Variants in SEC23A observed in about 807,000 individuals in gnomAD.
The protein encoded by SEC23A is protein transport protein Sec23A.
SEC23A carries 56 observed loss-of-function variants against 103.7 expected under a neutral mutation model. The ratio of observed to expected loss-of-function variants is 0.54; its 90% CI spans 0.44 to 0.67. The LOEUF (loss-of-function observed/expected upper bound fraction) is 0.67, where lower values mean the gene tolerates loss of function less well. SEC23A is among the 30% of genes least tolerant of loss of function. The probability of loss-of-function intolerance (pLI) is 0.00; values close to 1 mark genes in which losing one functional copy is unlikely to be tolerated. For missense variants in SEC23A, 784 were observed against 936.4 expected, an observed-to-expected ratio of 0.84 and a Z score of 2.12; for synonymous variants, 281 against 293.0, an observed-to-expected ratio of 0.96 and a Z score of 0.42.
chr14:39,070,081 C>G (rs1051511031), intron 9 of SEC23A, among the ~76,000 whole-genome samples: 52 of 152,184 alleles, frequency 3.4e-4, no homozygotes, highest in Non-Finnish European at 1.3e-4. Context: ...GTCATACTTG[C>G]CACATTTCAA....
At chr14:39,095,146 C>G in intron 2 of SEC23A, 1 of 587,994 alleles carries the variant, frequency 1.7e-6, no homozygotes, top group South Asian at 2.2e-5. Flanking sequence ...GAGACAGAAT[C>G]TATAATGTTC....
chr14:39,046,614 C>T (rs139250016), intron 15 of SEC23A, among the ~76,000 whole-genome samples: 200 of 152,234 alleles, frequency 1.3e-3, no homozygotes, highest in Middle Eastern at 3.4e-3. Flanking sequence ...AAAAAAACAA[C>T]CACATATATA....
rs114193369 is a variant in SEC23A, at chr14:39,033,072, C to T, written c.*167G>A. ...TGTTCTTATTGCTCTCATTATAATT[C>T]CAGCTTAATCTACAAATGTGAACAT... is the stretch of plus-strand genomic sequence containing the variant. On this transcript the variant is annotated 3_prime_UTR_variant, in exon 20 of 20. Transcript: ENST00000307712. 4.8e-3 allele frequency: 3,023 copies of T among 623,534 alleles called. 85 individuals are homozygous for T. The African/African-American group carries it at 0.05, about 10-fold the overall frequency. 38.6% of individuals were successfully genotyped at this position (623,534 alleles called of 1,614,324 possible).
Position 39,045,340 on chromosome 14 carries a change from G to T in SEC23A, c.1738-16C>A. 1 of 1,584,772 alleles carries T rather than the reference G, an allele frequency of 6.3e-7. No homozygotes were observed. The highest frequency in any genetic ancestry group is 1.1e-5 in the South Asian group (1 of 90,184). On this transcript the variant is annotated splice_polypyrimidine_tract_variant and intron_variant, in intron 15 of 19. Transcript: ENST00000307712. ...GAAACATAAACTGTAAGATAAACAC[G>T]TAAGATAGTTGTTACTGATTTTAAT...
chr14:39,040,838 T>C lies in SEC23A; in HGVS notation c.2036A>G (p.Glu679Gly). The change falls in exon 18 of 20, where the codon GAA (glutamate) becomes GGA (glycine). Residue 679 changes from glutamate to glycine, a missense_variant. By Grantham distance (98) the Glu-to-Gly change is moderately conservative (BLOSUM62 -2). Coordinates refer to ENST00000307712, the MANE Select transcript of SEC23A (RefSeq NM_006364.4). ...GGCTTGCAGAAGGTGGCGGAAATTT[T>C]CATACTCAGGCATATCCTGGTATCC... The part of the protein sequence containing the change: ...KSGYQDMPEY[E>G]NFRHLLQAPV... The C allele has an allele frequency of 1.2e-6, 2 of 1,614,198 alleles. No individual in the cohort carries two copies. Among genetic ancestry groups the C allele is most frequent in the Non-Finnish European group, 1.7e-6 (2 of 1,180,036 alleles).
chr14:39,092,765 T>G, intron 3 of SEC23A, 138 bp from the exon 4 acceptor site: 1 of 625,314 alleles, frequency 1.6e-6, no homozygotes, highest in South Asian at 2.1e-5. Flanking sequence ...ATTATTTGTA[T>G]CTTTTTTTAA....
intron 13 of SEC23A, among the ~76,000 whole-genome samples, chr14:39,057,438 C>T (rs138287213): frequency 6.6e-6 from 1 of 152,290 alleles, no homozygotes; most frequent in African/African-American, 2.4e-5. Context: ...GTGGCACAAT[C>T]ATGATTCACC....
rs1387789302 is a variant in SEC23A at position 39,033,247 on chromosome 14, C to T, written c.2290G>A (p.Ala764Thr). 6.2e-7 allele frequency: 1 copy of T among 1,606,950 alleles called. No individual in the cohort carries two copies. ...DHLKKLAVSS[A>T]A ...TTAACATTATTAGCACTTCAAGCAGCACTGGACACAGCAAGTTTCTTCAAG... is the reference window on the plus strand; with the variant it reads ...TTAACATTATTAGCACTTCAAGCAGTACTGGACACAGCAAGTTTCTTCAAG... Residue 764 changes from alanine to threonine, a missense_variant, in exon 20 of 20, where the codon GCT becomes ACT. By Grantham distance (58) the Ala-to-Thr change is moderately conservative (BLOSUM62 0). Coordinates refer to ENST00000307712, the MANE Select transcript of SEC23A (RefSeq NM_006364.4).
intron 1 of SEC23A, among the ~76,000 whole-genome samples, chr14:39,101,346 G>T (rs182562049): frequency 6.6e-6 from 1 of 152,104 alleles, no homozygotes; most frequent in African/African-American, 2.4e-5. Context: ...CTGGCCGGGC[G>T]CGGTGGCTCA....
chr14:39,078,019 G>A (rs768940879), intron 7 of SEC23A, among the ~76,000 whole-genome samples: 13 of 152,266 alleles, frequency 8.5e-5, no homozygotes, highest in South Asian at 2.1e-4. Context: ...GGGGTCCAAG[G>A]TGGGAGAATC....
In SEC23A at chr14:39,092,933, G is replaced by A. The variant is rs184651168; in HGVS notation, c.279+254C>T. The A allele has an allele frequency of 7.0e-4, 330 of 473,942 alleles. 2 individuals carry two copies. The East Asian group carries it at 0.011, about 16-fold the overall frequency. 29.4% of individuals were successfully genotyped at this position (473,942 alleles called of 1,614,324 possible). A position where few individuals can be genotyped will look rare whatever the true frequency, so the allele number is the denominator to read the frequency against. On this transcript the variant is annotated intron_variant, in intron 3 of 19. Transcript: ENST00000307712. Reference sequence around the variant, plus strand: ...GGCTGGAGTAGAGTGGTGCAATCTCGGCTCACTGCAAGCTCCACCTCCCGG... The same window carrying A: ...GGCTGGAGTAGAGTGGTGCAATCTCAGCTCACTGCAAGCTCCACCTCCCGG...
chr14:39,045,083 C>T (rs1885782899), intron 16 of SEC23A, 80 bp downstream of exon 16: 1 of 1,176,866 alleles, frequency 8.5e-7, no homozygotes, highest in Non-Finnish European at 1.3e-6. Flanking sequence ...TAACTATATG[C>T]ATTTTTTTAG....
chr14:39,040,299 A>C (rs1217378224), intron 18 of SEC23A: 1 of 176,668 alleles, frequency 5.7e-6, no homozygotes, highest in East Asian at 1.6e-4. Flanking sequence ...TATTACATAA[A>C]ATTTTATTTT....
chr14:39,048,570 A>G, intron 15 of SEC23A, 82 bp downstream of exon 15: 1 of 877,656 alleles, frequency 1.1e-6, no homozygotes, highest in Non-Finnish European at 1.9e-6. Context: ...ACTATACTTC[A>G]GCATGGATGA....
chr14:39,077,999 C>G lies in SEC23A; in HGVS notation c.829-1906G>C, dbSNP rs138628195. 2.2e-3 allele frequency among the ~76,000 whole-genome samples: 339 copies of G among 152,190 alleles called. 3 individuals carry two copies. The highest frequency in any genetic ancestry group is 7.5e-3 in the African/African-American group (312 of 41,528). On this transcript the variant is annotated intron_variant, in intron 7 of 19. Transcript: ENST00000307712. ...ACACTGTGGCTCATGCCTCTAATCT[C>G]ATCATTTTGGGGGTCCAAGGTGGGA...
At chr14:39,038,782 C>G (rs902474039) in intron 19 of SEC23A, among the ~76,000 whole-genome samples, 1 of 152,220 alleles carries the variant, frequency 6.6e-6, no homozygotes, top group Non-Finnish European at 1.5e-5. Context: ...GGAGTCACCA[C>G]TTCCTGTCTT....
In SEC23A at chr14:39,040,750, A is replaced by G. The variant is rs1386946874; in HGVS notation, c.2124T>C (p.Thr708=). The G allele has an allele frequency of 1.5e-5, 24 of 1,614,098 alleles. No individual in the cohort carries two copies. The highest frequency in any genetic ancestry group is 1.9e-5 in the Non-Finnish European group (23 of 1,180,052). ...SRFPMPRYID[T]EHGGSQARFL... ...TACTTACCTGGCTGCCTCCATGTTC[A>G]GTGTCAATGTATCTTGGCATTGGAA... Residue 708 remains threonine, a synonymous_variant, in exon 18 of 20, where the codon ACT becomes ACC. Coordinates refer to ENST00000307712, the MANE Select transcript of SEC23A (RefSeq NM_006364.4).
At chr14:39,044,758 C>T (rs1445841308) in intron 16 of SEC23A, among the ~76,000 whole-genome samples, 1 of 152,054 alleles carries the variant, frequency 6.6e-6, no homozygotes, top group Non-Finnish European at 1.5e-5. Context: ...AAAACAAGAG[C>T]CTTTGTTTAG....
intron 11 of SEC23A, chr14:39,064,694 C>T: frequency 1.8e-6 from 1 of 548,882 alleles, no homozygotes. Flanking sequence ...GCTGCCACCC[C>T]AAGTTTTTAT....
Sources: allele counts gnomAD v4.1 joint callset (sites outside exome capture counted in the v4.1 genomes callset), GRCh38; gene constraint gnomAD v4.1.1; transcripts MANE v1.5; gene names NCBI Gene and HGNC (gene_info 2026-07-23, HGNC 2026-07-21).